Variants in TNRC6B observed in about 807,000 individuals in gnomAD.
TNRC6B encodes the protein trinucleotide repeat-containing gene 6B protein.
Under a neutral mutation model 203.6 loss-of-function variants are expected in TNRC6B, and 52 were observed. That is an observed-to-expected ratio of 0.26 (90% confidence interval 0.20 to 0.32). The LOEUF (loss-of-function observed/expected upper bound fraction) is 0.32. TNRC6B is among the 10% of genes least tolerant of loss of function. The pLI, the probability that TNRC6B is intolerant of heterozygous loss-of-function variation, is 1.00. For missense variants in TNRC6B, 1,923 were observed against 2,286.2 expected (o/e 0.84, Z 3.24); for synonymous variants, 838 against 845.7 (o/e 0.99, Z 0.16).
At chr22:40,267,851 C>T (rs896034639) in intron 5 of TNRC6B, among the ~76,000 whole-genome samples, 9 of 150,388 alleles carry the variant, frequency 6.0e-5, no homozygotes, top group Admixed American at 5.4e-4. Context: ...GTTTGGGAGA[C>T]AGAGCGAGAC....
At chr22:40,211,642 A>G (rs2069564923) in intron 1 of TNRC6B, among the ~76,000 whole-genome samples, 3 of 151,906 alleles carry the variant, frequency 2.0e-5, no homozygotes, top group South Asian at 2.1e-4. Context: ...TCCCTTCTCT[A>G]TATTTTGCGG....
At chr22:40,141,204 CTTTTTTTTTT>C (rs757105010) in intron 3 of TNRC6B, among the ~76,000 whole-genome samples, 6 of 75,692 alleles carry the variant, frequency 7.9e-5, no homozygotes, top group Admixed American at 3.9e-4. Context: ...AAATTCTGTC[CTTTTTTTTTT>C]TTTTTTTTTT....
At chr22:40,075,883 CT>C (rs2068009085) in intron 1 of TNRC6B, among the ~76,000 whole-genome samples, 1 of 152,194 alleles carries the variant, frequency 6.6e-6, no homozygotes, top group Non-Finnish European at 1.5e-5. Flanking sequence ...AAAAAGTGCA[CT>C]TTCATTTTCC....
At chr22:40,234,430 G>A (rs1038861208) in intron 1 of TNRC6B, among the ~76,000 whole-genome samples, 1 of 152,156 alleles carries the variant, frequency 6.6e-6, no homozygotes, top group Admixed American at 6.5e-5. Flanking sequence ...AAACAACCAA[G>A]TGCATACTCG....
chr22:40,086,611 A>G (rs2068101654), intron 1 of TNRC6B, among the ~76,000 whole-genome samples: 2 of 152,220 alleles, frequency 1.3e-5, no homozygotes, highest in Admixed American at 6.5e-5. Context: ...GGATGCTTGA[A>G]CAATGGATGA....
Position 40,334,496 on chromosome 22 carries a change from C to T in TNRC6B, c.*11255C>T, listed in dbSNP as rs1271549633. 1.3e-5 allele frequency: 2 copies of T among 152,634 alleles called. No individual in the cohort carries two copies. Among genetic ancestry groups the T allele is most frequent in the African/African-American group, 2.4e-5 (1 of 41,434 alleles). 9.5% of individuals were successfully genotyped at this position (152,634 alleles called of 1,614,324 possible). ...AACTTCACATTCTATGCCCTCCCCG[C>T]CACCCACCTCATCCCTGTTCTGCGT... On this transcript the variant is annotated 3_prime_UTR_variant, in exon 23 of 23. Transcript: ENST00000454349.
rs2070704991 is a variant in TNRC6B at position 40,280,146 on chromosome 22, G to A, written c.3411+3G>A. ...ATAGTGGGCCTTATTTTGAGAAGGT[G>A]AGTTGAATCCTTTGTTTAAGATAAT... On this transcript the variant is annotated splice_donor_region_variant and intron_variant, in intron 10 of 22. Transcript: ENST00000454349. The A allele has an allele frequency of 6.2e-7, 1 of 1,611,924 alleles. No individual in the cohort carries two copies. The highest frequency in any genetic ancestry group is 8.5e-7 in the Non-Finnish European group (1 of 1,178,840).
At chr22:40,122,474 G>A (rs2068455029) in intron 2 of TNRC6B, among the ~76,000 whole-genome samples, 3 of 152,216 alleles carry the variant, frequency 2.0e-5, no homozygotes, top group African/African-American at 4.8e-5. Flanking sequence ...TGAGGGTCCT[G>A]TGTTTATGGG....
intron 3 of TNRC6B, among the ~76,000 whole-genome samples, chr22:40,258,786 G>A (rs973987286): frequency 2.0e-5 from 3 of 152,178 alleles, no homozygotes; most frequent in Non-Finnish European, 4.4e-5. Flanking sequence ...CTTTTGCAAG[G>A]AATCTTACAT....
chr22:40,313,709 A>G (rs2071219357), intron 19 of TNRC6B, among the ~76,000 whole-genome samples: 3 of 152,254 alleles, frequency 2.0e-5, no homozygotes, highest in Non-Finnish European at 4.4e-5. Flanking sequence ...AAGACGCTGC[A>G]GGTTAGTGGG....
In TNRC6B at chr22:40,113,318, G is replaced by A. The variant is rs1201000710; in HGVS notation, c.-120-3737G>A. 2.0e-5 allele frequency among the ~76,000 whole-genome samples: 3 copies of A among 152,122 alleles called. No homozygotes were observed. In the East Asian group the frequency reaches 5.8e-4, roughly 29 times the overall value. ...ATGATGGTAAATCTCTTGTGTATGG[G>A]GACTAAATAAAACCATCTGTTTCTA... On this transcript the variant is annotated intron_variant, in intron 1 of 23. Coordinates refer to the TNRC6B transcript ENST00000301923.
intron 3 of TNRC6B, among the ~76,000 whole-genome samples, chr22:40,254,080 G>A (rs886384108): frequency 6.6e-6 from 1 of 152,110 alleles, no homozygotes; most frequent in Non-Finnish European, 1.5e-5. Flanking sequence ...AAAACTGTGA[G>A]AATTCTGTGA....
chr22:40,127,153 A>T (rs145443772), intron 3 of TNRC6B, among the ~76,000 whole-genome samples: 1 of 151,996 alleles, frequency 6.6e-6, no homozygotes, highest in African/African-American at 2.4e-5. Flanking sequence ...TGAGACCCTT[A>T]GTATTACTTT....
intron 3 of TNRC6B, among the ~76,000 whole-genome samples, chr22:40,257,839 A>G (rs2070304878): frequency 6.6e-6 from 1 of 152,086 alleles, no homozygotes; most frequent in Non-Finnish European, 1.5e-5. Flanking sequence ...CCTGGCCAAG[A>G]TGATGAAACT....
intron 3 of TNRC6B, among the ~76,000 whole-genome samples, chr22:40,259,326 G>A (rs1205021816): frequency 3.9e-5 from 6 of 152,004 alleles, no homozygotes; most frequent in Admixed American, 3.9e-4. Flanking sequence ...CCAGGTTCAA[G>A]CAATTCTCGT....
At chr22:40,182,627 C>A (rs894091955) in intron 1 of TNRC6B, among the ~76,000 whole-genome samples, 4 of 152,200 alleles carry the variant, frequency 2.6e-5, no homozygotes, top group Admixed American at 2.0e-4. Flanking sequence ...ATTTGGTTGG[C>A]CCATTGCCTT....
intron 3 of TNRC6B, among the ~76,000 whole-genome samples, chr22:40,136,489 C>T (rs984884971): frequency 1.3e-5 from 2 of 151,470 alleles, no homozygotes; most frequent in African/African-American, 4.9e-5. Flanking sequence ...GCCTGAACCT[C>T]TTGGGCTCCA....
At chr22:40,106,441 A>C (rs998096956) in intron 1 of TNRC6B, 1 of 843,520 alleles carries the variant, frequency 1.2e-6, no homozygotes, top group Admixed American at 1.7e-5. Flanking sequence ...TTTAAGGGCC[A>C]CAGGAAGTTA....
chr22:40,112,587 G>A (rs2068348218), intron 1 of TNRC6B, among the ~76,000 whole-genome samples: 1 of 152,204 alleles, frequency 6.6e-6, no homozygotes, highest in Non-Finnish European at 1.5e-5. Flanking sequence ...CAGGAAAGGA[G>A]CTCCCAAATG....
Sources: allele counts gnomAD v4.1 joint callset (sites outside exome capture counted in the v4.1 genomes callset), GRCh38; gene constraint gnomAD v4.1.1; transcripts MANE v1.5; gene names NCBI Gene and HGNC (gene_info 2026-07-23, HGNC 2026-07-21).